The following MAGI3 variants were observed in gnomAD, a reference collection of about 807,000 sequenced individuals.
The protein encoded by MAGI3 is membrane-associated guanylate kinase, WW and PDZ domain-containing protein 3.
Under a neutral mutation model 121.8 loss-of-function variants are expected in MAGI3, and 43 were observed. The ratio of observed to expected loss-of-function variants is 0.35; its 90% CI spans 0.28 to 0.46. The LOEUF is 0.46. Among genes scored for constraint, MAGI3 ranks in the 20% least tolerant of loss-of-function variants. The pLI is 1.00. For missense variants in MAGI3, 1,547 were observed against 1,797.3 expected (o/e 0.86, Z 2.52); for synonymous variants, 553 against 639.3 (o/e 0.86, Z 2.04).
At chr1:113,494,983 A>G (rs943837870) in intron 1 of MAGI3, among the ~76,000 whole-genome samples, 3 of 152,184 alleles carry the variant, frequency 2.0e-5, no homozygotes, top group Non-Finnish European at 4.4e-5. Flanking sequence ...AAAAAAACAA[A>G]CCAAAACATA....
rs556330827 is a variant in MAGI3 at position 113,497,284 on chromosome 1, C to T, written c.317-52231C>T. Among the ~76,000 whole-genome samples, 444 of 129,348 alleles carry T rather than the reference C, an allele frequency of 3.4e-3. 43 individuals are homozygous for T. Among genetic ancestry groups the T allele is most frequent in the African/African-American group, 0.012 (428 of 36,870 alleles). The allele number at this position is 129,348 out of a possible 152,430, so 84.9% of individuals were successfully genotyped here. A position where few individuals can be genotyped will look rare whatever the true frequency, so the allele number is the denominator to read the frequency against. ...CGACGCAGAAGACGGGTGATTTCTG[C>T]ATTTCCATCTGAGGTACCGGGTTCA... On this transcript the variant is annotated intron_variant, in intron 1 of 20. Transcript: ENST00000307546.
At chr1:113,671,589 C>G (rs1050257516) in intron 16 of MAGI3, 145 bp from the exon 17 acceptor site, 1 of 646,870 alleles carries the variant, frequency 1.5e-6, no homozygotes, top group South Asian at 2.2e-5. Context: ...CAGTTCCAGA[C>G]AGCTGACAAT....
chr1:113,542,229 A>G (rs1424722823), intron 1 of MAGI3, among the ~76,000 whole-genome samples: 1 of 152,152 alleles, frequency 6.6e-6, no homozygotes, highest in Non-Finnish European at 1.5e-5. Flanking sequence ...GACAGCTACT[A>G]AGATAGCTAC....
At chr1:113,678,843 A>G (rs1648036610) in intron 19 of MAGI3, among the ~76,000 whole-genome samples, 1 of 152,222 alleles carries the variant, frequency 6.6e-6, no homozygotes, top group Admixed American at 6.5e-5. Context: ...GTATCTGTAG[A>G]AAGAGTTGGC....
chr1:113,517,120 G>GA (rs145071278), intron 1 of MAGI3, among the ~76,000 whole-genome samples: 1 of 151,046 alleles, frequency 6.6e-6, no homozygotes, highest in African/African-American at 2.4e-5. Context: ...TGGAAAAGGG[G>GA]AAAAAAAACT....
chr1:113,607,521 G>A (rs924432985), intron 6 of MAGI3, among the ~76,000 whole-genome samples: 6 of 152,246 alleles, frequency 3.9e-5, no homozygotes, highest in South Asian at 2.1e-4. Context: ...CAGACTAATA[G>A]CAAGAAAATG....
chr1:113,416,329 TATA>T (rs1652385663), intron 1 of MAGI3, among the ~76,000 whole-genome samples: 1 of 116,048 alleles, frequency 8.6e-6, no homozygotes, highest in African/African-American at 3.3e-5. Context: ...TAATTAATTA[TATA>T]TCAATCATAT....
intron 1 of MAGI3, among the ~76,000 whole-genome samples, chr1:113,437,870 T>TTCTTCTTCTTCC (rs1557757143): frequency 4.6e-3 from 86 of 18,496 alleles, no homozygotes; most frequent in Admixed American, 9.2e-3. Flanking sequence ...CTTCCTCTTC[T>TTCTTCTTCTTCC]TCTTCTTCTC....
At chr1:113,401,739 G>A (rs1651418883) in intron 1 of MAGI3, among the ~76,000 whole-genome samples, 1 of 152,108 alleles carries the variant, frequency 6.6e-6, no homozygotes, top group South Asian at 2.1e-4. Flanking sequence ...TAGAATTAGG[G>A]ATCTTTTATA....
At chr1:113,570,994 T>C (rs1191180652) in intron 2 of MAGI3, among the ~76,000 whole-genome samples, 1 of 152,210 alleles carries the variant, frequency 6.6e-6, no homozygotes, top group Non-Finnish European at 1.5e-5. Context: ...TGGTATTGCC[T>C]AGGTTTTCTT....
At chr1:113,471,831 T>C (rs1199407576) in intron 1 of MAGI3, among the ~76,000 whole-genome samples, 2 of 152,236 alleles carry the variant, frequency 1.3e-5, no homozygotes, top group African/African-American at 4.8e-5. Context: ...ACCACTGTTG[T>C]ATATGTAGTC....
chr1:113,488,059 A>G (rs1270224358), intron 1 of MAGI3, among the ~76,000 whole-genome samples: 1 of 152,186 alleles, frequency 6.6e-6, no homozygotes, highest in Non-Finnish European at 1.5e-5. Context: ...TGACAATTTA[A>G]TACACCAAAT....
At chr1:113,491,625 CTAGGCTAA>C (rs1656671375) in intron 1 of MAGI3, among the ~76,000 whole-genome samples, 1 of 151,878 alleles carries the variant, frequency 6.6e-6, no homozygotes, top group Admixed American at 6.6e-5. Flanking sequence ...AGACCATTAG[CTAGGCTAA>C]TAAAGAAGGA....
At chr1:113,530,831 G>T (rs921142152) in intron 1 of MAGI3, among the ~76,000 whole-genome samples, 2 of 152,118 alleles carry the variant, frequency 1.3e-5, no homozygotes, top group African/African-American at 4.8e-5. Context: ...TGGGAGGATT[G>T]CTTGAGCCTA....
chr1:113,423,260 G>T (rs112037774), intron 1 of MAGI3, among the ~76,000 whole-genome samples: 23,351 of 91,912 alleles, frequency 0.25, 2,068 homozygotes, highest in East Asian at 0.62. Context: ...TTTTTTTTTT[G>T]GGGGGGGGGT....
intron 16 of MAGI3, among the ~76,000 whole-genome samples, chr1:113,671,155 A>G (rs1647529155): frequency 6.6e-6 from 1 of 152,172 alleles, no homozygotes; most frequent in South Asian, 2.1e-4. Flanking sequence ...TTTTTCACCT[A>G]TATTTGTGTT....
Position 113,651,194 on chromosome 1 carries a change from A to G in MAGI3, c.2428A>G (p.Ile810Val). ...TGTGTTACTAACTGTCAGACGGAAGATCTTCTATGGAGGTGTGTGAACTTG... is the reference window on the plus strand; with the variant it reads ...TGTGTTACTAACTGTCAGACGGAAGGTCTTCTATGGAGGTGTGTGAACTTG... ...GHVLLTVRRK[I>V]FYGEKQPEDD... The change falls in exon 14 of 21, where the codon ATC (isoleucine) becomes GTC (valine). Residue 810 changes from isoleucine to valine, a missense_variant. Coordinates refer to ENST00000307546, the MANE Select transcript of MAGI3 (RefSeq NM_001142782.2). 6.2e-7 allele frequency: 1 copy of G among 1,611,778 alleles called. No individual in the cohort carries two copies. Among genetic ancestry groups the G allele is most frequent in the Non-Finnish European group, 8.5e-7 (1 of 1,179,432 alleles).
intron 2 of MAGI3, among the ~76,000 whole-genome samples, chr1:113,567,928 C>T (rs1464240199): frequency 1.3e-5 from 2 of 151,950 alleles, no homozygotes; most frequent in Non-Finnish European, 2.9e-5. Context: ...TCTCTCTTTG[C>T]AGATAACATC....
chr1:113,643,849 G>A, intron 11 of MAGI3, 75 bp downstream of exon 11: 3 of 1,396,790 alleles, frequency 2.1e-6, no homozygotes, highest in South Asian at 2.4e-5. Flanking sequence ...TGTAAGAGGA[G>A]CTCACTGTGG....
Sources: gnomAD v4.1 joint callset for allele counts (sites outside exome capture counted in the v4.1 genomes callset) on GRCh38, gnomAD v4.1.1 for gene constraint, MANE v1.5 for transcripts, NCBI Gene and HGNC (gene_info 2026-07-23, HGNC 2026-07-21) for gene names.